The following SPAG16 variants were observed in gnomAD, a reference collection of about 807,000 sequenced individuals.
The protein encoded by SPAG16 is sperm-associated antigen 16 protein.
In SPAG16, 86 loss-of-function variants were observed where a neutral mutation model predicts 80.4. The ratio of observed to expected loss-of-function variants is 1.07; its 90% CI spans 0.90 to 1.28. The LOEUF is 1.28. Among genes scored for constraint, SPAG16 ranks in the 50% most tolerant of loss-of-function variants. SPAG16 has a pLI of 0.00. For synonymous variants in SPAG16, 294 were observed against 265.9 expected (o/e 1.11, Z -1.03); for missense variants, 870 against 765.3 (o/e 1.14, Z -1.61).
At chr2:213,748,619 AGAAAGGAAATCT>A (rs1401202566) in intron 10 of SPAG16, among the ~76,000 whole-genome samples, 1 of 152,192 alleles carries the variant, frequency 6.6e-6, no homozygotes, top group African/African-American at 2.4e-5. Context: ...CATATAAATA[AGAAAGGAAATCT>A]GAAAGTAAGC....
At chr2:213,773,895 G>C (rs2069410252) in intron 10 of SPAG16, among the ~76,000 whole-genome samples, 1 of 152,080 alleles carries the variant, frequency 6.6e-6, no homozygotes, top group Non-Finnish European at 1.5e-5. Flanking sequence ...ATAGACTCTT[G>C]TCTATCTGGT....
intron 5 of SPAG16, among the ~76,000 whole-genome samples, chr2:213,326,658 C>G (rs1036969791): frequency 2.6e-5 from 4 of 151,816 alleles, no homozygotes; most frequent in African/African-American, 7.3e-5. Flanking sequence ...TATGTAACTA[C>G]TATTATCAGA....
chr2:213,317,517 C>G (rs937879243), intron 5 of SPAG16, 161 bp downstream of exon 5: 32 of 1,341,036 alleles, frequency 2.4e-5, no homozygotes, highest in Admixed American at 6.2e-5. Flanking sequence ...ATTAATTAAA[C>G]AGATGATCAG....
chr2:213,955,295 G>C (rs1376580885), intron 12 of SPAG16, among the ~76,000 whole-genome samples: 1 of 151,998 alleles, frequency 6.6e-6, no homozygotes, highest in Non-Finnish European at 1.5e-5. Context: ...TCTTCCAGGA[G>C]TTTTATGATT....
intron 5 of SPAG16, among the ~76,000 whole-genome samples, chr2:213,336,355 C>T (rs1262689800): frequency 6.6e-6 from 1 of 151,498 alleles, no homozygotes; most frequent in Non-Finnish European, 1.5e-5. Flanking sequence ...TATCTGTCCA[C>T]TCCTGTGGGA....
intron 6 of SPAG16, 40 bp from the exon 7 acceptor site, chr2:213,350,488 C>A: frequency 2.7e-6 from 3 of 1,093,256 alleles, no homozygotes; most frequent in Non-Finnish European, 2.6e-6. Flanking sequence ...TGATTTAACT[C>A]AATAACCCCT....
At chr2:213,419,400 C>T (rs554304943) in intron 9 of SPAG16, among the ~76,000 whole-genome samples, 1 of 152,006 alleles carries the variant, frequency 6.6e-6, no homozygotes, top group South Asian at 2.1e-4. Context: ...TTTTTTACTC[C>T]CTAATATGCT....
intron 3 of SPAG16, among the ~76,000 whole-genome samples, chr2:213,305,202 G>A (rs1292535580): frequency 6.6e-6 from 1 of 152,112 alleles, no homozygotes; most frequent in East Asian, 1.9e-4. Flanking sequence ...AAATACTACT[G>A]ATTTTGATAT....
chr2:213,843,850 C>G (rs2125762871), intron 10 of SPAG16, among the ~76,000 whole-genome samples: 1 of 152,070 alleles, frequency 6.6e-6, no homozygotes, highest in South Asian at 2.1e-4. Context: ...GACTCCATCT[C>G]AAAAAACAAA....
At chr2:213,576,315 G>T (rs774367964) in intron 10 of SPAG16, among the ~76,000 whole-genome samples, 1 of 152,004 alleles carries the variant, frequency 6.6e-6, no homozygotes, top group Non-Finnish European at 1.5e-5. Context: ...ATGCTGTTTT[G>T]GTTACTGTAG....
chr2:213,407,596 GGA>G (rs66674310), intron 9 of SPAG16, among the ~76,000 whole-genome samples: 15,531 of 101,474 alleles, frequency 0.15, 1,316 homozygotes, highest in East Asian at 0.26. Context: ...GAGAGAGACA[GGA>G]GAGAGAGAGA....
chr2:214,006,840 C>G (rs2047046915), intron 12 of SPAG16, among the ~76,000 whole-genome samples: 1 of 152,182 alleles, frequency 6.6e-6, no homozygotes, highest in African/African-American at 2.4e-5. Flanking sequence ...ATTTCTTACC[C>G]TCTTGAGCAG....
chr2:213,886,128 T>G (rs2076545156), intron 11 of SPAG16, among the ~76,000 whole-genome samples: 1 of 152,144 alleles, frequency 6.6e-6, no homozygotes, highest in Non-Finnish European at 1.5e-5. Flanking sequence ...ATTTCCCCTT[T>G]CTGGGTATGG....
intron 15 of SPAG16, among the ~76,000 whole-genome samples, chr2:214,218,431 G>C (rs1423336203): frequency 6.6e-6 from 1 of 152,108 alleles, no homozygotes; most frequent in African/African-American, 2.4e-5. Context: ...AAATACTAGA[G>C]ACCCTGAGAC....
intron 15 of SPAG16, among the ~76,000 whole-genome samples, chr2:214,199,106 A>G (rs922989825): frequency 3.3e-5 from 5 of 151,992 alleles, no homozygotes; most frequent in Admixed American, 6.6e-5. Flanking sequence ...TTTTCATTTA[A>G]TTAGGTTCCA....
At chr2:213,529,687 A>G (rs532278928) in intron 10 of SPAG16, among the ~76,000 whole-genome samples, 3 of 152,326 alleles carry the variant, frequency 2.0e-5, no homozygotes, top group South Asian at 2.1e-4. Context: ...AGGCAACTGT[A>G]ACACAATGGT....
At position 213,286,658 on chromosome 2, in the gene SPAG16, A is replaced by G. The variant is rs1343755117; in HGVS notation, c.136+2039A>G. Among the ~76,000 whole-genome samples the G allele has an allele frequency of 2.0e-5, 3 of 152,346 alleles. No homozygotes were observed. In the East Asian group the frequency reaches 5.8e-4, roughly 29 times the overall value. ...AGAAATCTGATGTCCTCTGCTTCGCACATATACTCAATCACTTCTAATCTA... is the reference window on the plus strand; with the variant it reads ...AGAAATCTGATGTCCTCTGCTTCGCGCATATACTCAATCACTTCTAATCTA... On this transcript the variant is annotated intron_variant, in intron 1 of 15. Transcript: ENST00000331683.
At chr2:213,285,074 G>A (rs1365480309) in intron 1 of SPAG16, among the ~76,000 whole-genome samples, 1 of 152,208 alleles carries the variant, frequency 6.6e-6, no homozygotes, top group African/African-American at 2.4e-5. Flanking sequence ...CTGAAGCTCA[G>A]AATACCCAAC....
At chr2:213,925,839 T>C (rs1275009359) in intron 11 of SPAG16, among the ~76,000 whole-genome samples, 2 of 152,250 alleles carry the variant, frequency 1.3e-5, no homozygotes, top group African/African-American at 4.8e-5. Context: ...TTAGTGTTTC[T>C]AACACATATT....
Sources: allele counts gnomAD v4.1 joint callset (sites outside exome capture counted in the v4.1 genomes callset), GRCh38; gene constraint gnomAD v4.1.1; transcripts MANE v1.5; gene names NCBI Gene and HGNC (gene_info 2026-07-23, HGNC 2026-07-21).